ULBP3: variants seen among roughly 807,000 people sequenced by gnomAD.
ULBP3 encodes UL16-binding protein 3.
In ULBP3, 25 loss-of-function variants were observed where a neutral mutation model predicts 24.9. The observed-to-expected ratio is 1.00, with a 90% CI of 0.73 to 1.40. The LOEUF is 1.40. Among genes scored for constraint, ULBP3 ranks in the 40% most tolerant of loss-of-function variants. The probability of loss-of-function intolerance (pLI) is 0.00; values close to 1 mark genes in which losing one functional copy is unlikely to be tolerated. For missense variants in ULBP3, 306 were observed against 307.5 expected, an observed-to-expected ratio of 1.00 and a Z score of 0.04; for synonymous variants, 114 against 114.7, an observed-to-expected ratio of 0.99 and a Z score of 0.04.
At chr6:150,066,935 T>C (rs939053824) in intron 1 of ULBP3, among the ~76,000 whole-genome samples, 1 of 151,708 alleles carries the variant, frequency 6.6e-6, no homozygotes, top group Non-Finnish European at 1.5e-5. Flanking sequence ...GGATGGAAAA[T>C]CCTGAAATAA....
chr6:150,069,043 C>A lies in ULBP3; in HGVS notation c.24G>T (p.Ala8=). The A allele has an allele frequency of 3.1e-6, 5 of 1,612,022 alleles. No individual in the cohort carries two copies. The highest frequency in any genetic ancestry group is 4.2e-6 in the Non-Finnish European group (5 of 1,179,426). MAAAASP[A]ILPRLAILPY... ...GAAGAATCGCGAGGCGCGGAAGGAT[C>A]GCGGGGCTGGCGGCCGCTGCCATTG... Residue 8 remains alanine, a synonymous_variant, in exon 1 of 5, where the codon GCG becomes GCT. Coordinates refer to ENST00000367339, the MANE Select transcript of ULBP3 (RefSeq NM_024518.3).
In ULBP3 at chr6:150,066,168, G is replaced by GA. The variant is rs546843866; in HGVS notation, c.89-7dup. 8,116 of 1,504,652 alleles carry GA rather than the reference G, an allele frequency of 5.4e-3. No individual in the cohort carries two copies. The highest frequency in any genetic ancestry group is 0.021 in the East Asian group (816 of 39,166). The allele number at this position is 1,504,652 out of a possible 1,614,324, so 93.2% of individuals were successfully genotyped here. ...ATACCAGAGAGAGTGAGCGTCTAAGGAAAAAAAAAAAAAACACCAGAGAGT... is the reference window on the plus strand; with the variant it reads ...ATACCAGAGAGAGTGAGCGTCTAAGGAAAAAAAAAAAAAAACACCAGAGAGT... On this transcript the variant is annotated splice_polypyrimidine_tract_variant and splice_region_variant and intron_variant, in intron 1 of 4. Coordinates refer to ENST00000367339, the MANE Select transcript of ULBP3 (RefSeq NM_024518.3).
intron 1 of ULBP3, among the ~76,000 whole-genome samples, chr6:150,067,717 G>C (rs1176437107): frequency 6.6e-6 from 1 of 152,160 alleles, no homozygotes; most frequent in African/African-American, 2.4e-5. Flanking sequence ...TGAGGGGTGT[G>C]GCTGGACCTG....
intron 3 of ULBP3, 131 bp downstream of exon 3, chr6:150,065,267 A>T: frequency 7.7e-7 from 1 of 1,295,800 alleles, no homozygotes; most frequent in Non-Finnish European, 1.1e-6. Flanking sequence ...ACACACACTC[A>T]CACTCACACA....
chr6:150,068,616 A>G (rs577594306), intron 1 of ULBP3, among the ~76,000 whole-genome samples: 1 of 152,264 alleles, frequency 6.6e-6, no homozygotes, highest in African/African-American at 2.4e-5. Flanking sequence ...CGCTGGCGTC[A>G]CCCATGTCTT....
chr6:150,068,145 C>G lies in ULBP3; in HGVS notation c.88+834G>C, dbSNP rs115074932. On this transcript the variant is annotated intron_variant, in intron 1 of 4. Coordinates refer to ENST00000367339, the MANE Select transcript of ULBP3 (RefSeq NM_024518.3). Reference sequence around the variant, plus strand: ...CCCCAGGACACCACATGGCTACACCCCCCCACCCTCAGGTCACACCTGAGG... The same window carrying G: ...CCCCAGGACACCACATGGCTACACCGCCCCACCCTCAGGTCACACCTGAGG... Among the ~76,000 whole-genome samples the G allele has an allele frequency of 7.1e-3, 1,075 of 152,248 alleles. 10 individuals are homozygous for G. The highest frequency in any genetic ancestry group is 0.025 in the African/African-American group (1,022 of 41,556).
Position 150,064,556 on chromosome 6 carries a change from C to T in ULBP3, c.*22+29G>A, listed in dbSNP as rs535793998. 2.8e-5 allele frequency: 44 copies of T among 1,591,770 alleles called. No homozygotes were observed. The Middle Eastern group carries it at 8.3e-4, about 30-fold the overall frequency. Reference sequence around the variant, plus strand: ...CCTCCCACCTCACCCATCTGTCTCTCGTTCCCCTCACAGTTTTGCCCACAG... The same window carrying T: ...CCTCCCACCTCACCCATCTGTCTCTTGTTCCCCTCACAGTTTTGCCCACAG... On this transcript the variant is annotated intron_variant, in intron 4 of 4. Transcript: ENST00000367339.
In ULBP3 at chr6:150,066,789, TC is replaced by T. The variant is rs55985435; in HGVS notation, c.89-628del. Among the ~76,000 whole-genome samples the T allele has an allele frequency of 3.1e-3, 467 of 152,266 alleles. 2 individuals carry two copies. The highest frequency in any genetic ancestry group is 4.9e-3 in the Admixed American group (75 of 15,290). On this transcript the variant is annotated intron_variant, in intron 1 of 4. Transcript: ENST00000367339. ...TGTGCTCAAGGGAAGCCTGGAAGAC[TC>T]CTGTTTACCTAGCATATAAAGAAGG...
Position 150,065,337 on chromosome 6 carries a change from C to A in ULBP3, c.628+61G>T, listed in dbSNP as rs923176603. 3 of 1,594,938 alleles carry A rather than the reference C, an allele frequency of 1.9e-6. No homozygotes were observed. In the African/African-American group the frequency reaches 4.0e-5, roughly 21 times the overall value. ...CACACCCACCATACTCAGACACTGACAGACAAGGGTGTAACTCGATGGCAT... is the reference window on the plus strand; with the variant it reads ...CACACCCACCATACTCAGACACTGAAAGACAAGGGTGTAACTCGATGGCAT... On this transcript the variant is annotated intron_variant, in intron 3 of 4. Coordinates refer to ENST00000367339, the MANE Select transcript of ULBP3 (RefSeq NM_024518.3).
Position 150,064,568 on chromosome 6 carries a change from A to G in ULBP3, c.*22+17T>C. 1.9e-6 allele frequency: 3 copies of G among 1,604,792 alleles called. No individual in the cohort carries two copies. The highest frequency in any genetic ancestry group is 2.6e-6 in the Non-Finnish European group (3 of 1,172,044). The stretch of plus-strand genomic sequence containing the variant: ...CCCATCTGTCTCTCGTTCCCCTCAC[A>G]GTTTTGCCCACAGTACCTGTCACTC... On this transcript the variant is annotated intron_variant, in intron 4 of 4. Transcript: ENST00000367339.
chr6:150,067,282 G>T (rs991535055), intron 1 of ULBP3, among the ~76,000 whole-genome samples: 1 of 152,166 alleles, frequency 6.6e-6, no homozygotes, highest in Non-Finnish European at 1.5e-5. Context: ...AGAGCCCCTG[G>T]TGGGCTCCTT....
Position 150,061,180 on chromosome 6 carries a change from G to T in ULBP3, c.*2194C>A, listed in dbSNP as rs1022357514. On this transcript the variant is annotated 3_prime_UTR_variant, in exon 5 of 5. Transcript: ENST00000367339. ...AGTTTAGTTTTTGATCTGGGTTAGC[G>T]TTCATAGTGCAAAGTTCTCTCGTTC... 6.6e-6 allele frequency among the ~76,000 whole-genome samples: 1 copy of T among 152,142 alleles called. No individual in the cohort carries two copies. The highest frequency in any genetic ancestry group is 1.9e-4 in the East Asian group (1 of 5,188).
rs1402447650 is a variant in ULBP3 at position 150,062,638 on chromosome 6, T to A, written c.*736A>T. Reference sequence around the variant, plus strand: ...CTGAGGTCTGAAGTCCTGCATGCTATTTTACTAGCAATACCGTTTCGAAGA... The same window carrying A: ...CTGAGGTCTGAAGTCCTGCATGCTAATTTACTAGCAATACCGTTTCGAAGA... On this transcript the variant is annotated 3_prime_UTR_variant, in exon 5 of 5. Transcript: ENST00000367339. Among the ~76,000 whole-genome samples the A allele has an allele frequency of 6.6e-6, 1 of 152,200 alleles. No individual in the cohort carries two copies. The highest frequency in any genetic ancestry group is 1.5e-5 in the Non-Finnish European group (1 of 68,028).
At chr6:150,064,440 C>A in intron 4 of ULBP3, 145 bp downstream of exon 4, 2 of 715,536 alleles carry the variant, frequency 2.8e-6, no homozygotes, top group South Asian at 1.6e-5. Context: ...TGCAAACAGG[C>A]GACACCAGGT....
At chr6:150,068,273 C>A (rs985895637) in intron 1 of ULBP3, among the ~76,000 whole-genome samples, 6 of 152,182 alleles carry the variant, frequency 3.9e-5, no homozygotes, top group Non-Finnish European at 5.9e-5. Context: ...CCCTCACATT[C>A]ATCACATCCA....
chr6:150,066,185 C>T, intron 1 of ULBP3, 23 bp from the exon 2 acceptor site: 1 of 1,607,346 alleles, frequency 6.2e-7, no homozygotes, highest in Non-Finnish European at 8.5e-7. Flanking sequence ...AAAAAAAACA[C>T]CAGAGAGTGT....
Position 150,065,423 on chromosome 6 carries a change from G to A in ULBP3, c.603C>T (p.His201=), listed in dbSNP as rs1472459372. ...CKSWLRDFLM[H]RKKRLEPTAP... ...CTGTGGGTTCCAGCCTCTTCTTCCT[G>A]TGCATCAGGAAGTCCCTAAGCCAGC... Residue 201 remains histidine (H), a synonymous_variant, in exon 3 of 5, where the codon CAC becomes CAT. Coordinates refer to ENST00000367339, the MANE Select transcript of ULBP3 (RefSeq NM_024518.3). 3.7e-6 allele frequency: 6 copies of A among 1,614,026 alleles called. No individual in the cohort carries two copies. The highest frequency in any genetic ancestry group is 4.2e-6 in the Non-Finnish European group (5 of 1,180,022).
intron 4 of ULBP3, among the ~76,000 whole-genome samples, chr6:150,063,805 C>T (rs1233572813): frequency 6.6e-6 from 1 of 152,234 alleles, no homozygotes; most frequent in Non-Finnish European, 1.5e-5. Context: ...CCTGCCCTGC[C>T]CCATTCATTC....
In ULBP3 at chr6:150,062,581, T is replaced by C. The variant is rs1181276272; in HGVS notation, c.*793A>G. On this transcript the variant is annotated 3_prime_UTR_variant, in exon 5 of 5. Coordinates refer to ENST00000367339, the MANE Select transcript of ULBP3 (RefSeq NM_024518.3). ...AAACTATAATGATAAAAAGGATTAATACAATTCTTGGTCAGTGCATGGAAA... is the reference window on the plus strand; with the variant it reads ...AAACTATAATGATAAAAAGGATTAACACAATTCTTGGTCAGTGCATGGAAA... 6.6e-6 allele frequency among the ~76,000 whole-genome samples: 1 copy of C among 152,190 alleles called. No individual in the cohort carries two copies. The highest frequency in any genetic ancestry group is 1.9e-4 in the East Asian group (1 of 5,196).
Sources: gnomAD v4.1 joint callset for allele counts (sites outside exome capture counted in the v4.1 genomes callset) on GRCh38, gnomAD v4.1.1 for gene constraint, MANE v1.5 for transcripts, NCBI Gene and HGNC (gene_info 2026-07-23, HGNC 2026-07-21) for gene names.